The following OPRM1 variants were observed in gnomAD, a reference collection of about 807,000 sequenced individuals.
OPRM1 encodes mu-type opioid receptor.
A neutral mutation model predicts 31.8 loss-of-function variants in OPRM1; 27 were observed. That is an observed-to-expected ratio of 0.85 (90% CI 0.63 to 1.17). OPRM1 has a LOEUF of 1.17. Among genes scored for constraint, OPRM1 ranks in the 50% most tolerant of loss-of-function variants. The probability of loss-of-function intolerance (pLI) is 0.00; values close to 1 mark genes in which losing one functional copy is unlikely to be tolerated. For missense variants in OPRM1, 536 were observed against 511.1 expected (o/e 1.05, Z -0.47); for synonymous variants, 196 against 189.9 (o/e 1.03, Z -0.26).
At chr6:154,018,530 G>A (rs1364238247) in intron 1 of OPRM1, among the ~76,000 whole-genome samples, 53 of 143,896 alleles carry the variant, frequency 3.7e-4, no homozygotes, top group African/African-American at 1.2e-3. Context: ...GTCTTTTCTG[G>A]CCCTGCATAT....
chr6:154,062,648 G>T (rs1404367072), intron 1 of OPRM1, among the ~76,000 whole-genome samples: 2 of 152,000 alleles, frequency 1.3e-5, no homozygotes, highest in African/African-American at 4.8e-5. Context: ...AAATAATTGT[G>T]TAATTCTTGG....
chr6:154,212,910 A>T (rs768360689), intron 3 of OPRM1: 1 of 1,206,434 alleles, frequency 8.3e-7, no homozygotes. Flanking sequence ...CTTATTCCAT[A>T]ATGCATGAGC....
At chr6:154,113,857 G>C (rs895425428) in intron 3 of OPRM1, among the ~76,000 whole-genome samples, 9 of 152,174 alleles carry the variant, frequency 5.9e-5, no homozygotes, top group African/African-American at 2.2e-4. Context: ...GGGATTCAGA[G>C]ACAAAAAGAT....
At chr6:154,036,781 ATTATCT>A (rs1281670202), upstream of OPRM1, among the ~76,000 whole-genome samples, 3 of 151,790 alleles carry the variant, frequency 2.0e-5, no homozygotes, top group Admixed American at 6.6e-5. Flanking sequence ...ATTTTATGCC[ATTATCT>A]GGGTATAATG....
intron 1 of OPRM1, among the ~76,000 whole-genome samples, chr6:154,066,917 G>C (rs957700227): frequency 6.6e-6 from 1 of 152,064 alleles, no homozygotes; most frequent in African/African-American, 2.4e-5. Flanking sequence ...ATGTTTTTAC[G>C]AACTTGGTCA....
intron 1 of OPRM1, among the ~76,000 whole-genome samples, chr6:154,079,202 G>A (rs553400779): frequency 1.3e-5 from 2 of 152,338 alleles, no homozygotes; most frequent in African/African-American, 4.8e-5. Context: ...TGGAATTCTG[G>A]AGACATTTCA....
intron 1 of OPRM1, among the ~76,000 whole-genome samples, chr6:154,041,634 T>C (rs1344983863): frequency 7.3e-6 from 1 of 136,628 alleles, no homozygotes; most frequent in Non-Finnish European, 1.5e-5. Context: ...CTAACATATT[T>C]TTTTTTTTTA....
At chr6:154,069,591 T>A in intron 1 of OPRM1, among the ~76,000 whole-genome samples, 1 of 152,204 alleles carries the variant, frequency 6.6e-6, no homozygotes, top group Non-Finnish European at 1.5e-5. Context: ...ACCAGTGTCA[T>A]GAAGCTTTTT....
intron 1 of OPRM1, among the ~76,000 whole-genome samples, chr6:154,086,018 T>G (rs557959053): frequency 6.6e-6 from 1 of 150,674 alleles, no homozygotes; most frequent in South Asian, 2.1e-4. Context: ...CAGCTAATTT[T>G]TCTAATTTTA....
intron 3 of OPRM1, among the ~76,000 whole-genome samples, chr6:154,106,368 G>A (rs2128509919): frequency 6.6e-6 from 1 of 152,320 alleles, no homozygotes; most frequent in African/African-American, 2.4e-5. Flanking sequence ...GCCTGGCCCA[G>A]AACACTCCAG....
At chr6:154,206,790 A>G (rs1339103633) in intron 3 of OPRM1, among the ~76,000 whole-genome samples, 1 of 152,204 alleles carries the variant, frequency 6.6e-6, no homozygotes, top group African/African-American at 2.4e-5. Context: ...CTGCAAGTGG[A>G]GAAACTTTAT....
chr6:154,147,394 C>T (rs149416860), intron 3 of OPRM1, among the ~76,000 whole-genome samples: 219 of 152,242 alleles, frequency 1.4e-3, no homozygotes, highest in African/African-American at 4.9e-3. Context: ...CTAAAGCCTT[C>T]GGTGATACAT....
intron 3 of OPRM1, among the ~76,000 whole-genome samples, chr6:154,232,019 GTTA>G (rs1450175789): frequency 6.6e-6 from 1 of 152,142 alleles, no homozygotes; most frequent in Non-Finnish European, 1.5e-5. Context: ...GTAGTGACAT[GTTA>G]TTATCATTTT....
Position 154,091,068 on chromosome 6 carries a change from T to C in OPRM1, c.760T>C (p.Tyr254His), listed in dbSNP as rs1290858635. The change falls in exon 3 of 4, where the codon TAT becomes CAT. Residue 254 changes from tyrosine to histidine, a missense_variant. Coordinates refer to ENST00000330432, the MANE Select transcript of OPRM1 (RefSeq NM_000914.5). Reference protein sequence around the residue: ...IMPVLIITVCYGLMILRLKSV... With the variant: ...IMPVLIITVCHGLMILRLKSV... ...GCCAGTGCTCATCATTACCGTGTGCTATGGACTGATGATCTTGCGCCTCAA... is the reference window on the plus strand; with the variant it reads ...GCCAGTGCTCATCATTACCGTGTGCCATGGACTGATGATCTTGCGCCTCAA... 1.2e-6 allele frequency: 2 copies of C among 1,614,220 alleles called. No individual in the cohort carries two copies. The highest frequency in any genetic ancestry group is 8.5e-7 in the Non-Finnish European group (1 of 1,180,032).
intron 3 of OPRM1, among the ~76,000 whole-genome samples, chr6:154,114,415 A>G (rs1796648608): frequency 6.6e-6 from 1 of 152,072 alleles, no homozygotes; most frequent in Admixed American, 6.6e-5. Flanking sequence ...TCAATACAGT[A>G]AGCCCAATTT....
chr6:154,240,522 GA>G lies in OPRM1; in HGVS notation c.1165-6160del, dbSNP rs11394579. Reference sequence around the variant, plus strand: ...ATCTGTTCTTTATTTTTCTTGAGCTGAAAAAAAAAAAGGTACTCTATATTTA... The same window carrying G: ...ATCTGTTCTTTATTTTTCTTGAGCTGAAAAAAAAAAGGTACTCTATATTTA... On this transcript the variant is annotated intron_variant, in intron 3 of 3. Transcript: ENST00000337049. Among the ~76,000 whole-genome samples, 819 of 146,496 alleles carry G rather than the reference GA, an allele frequency of 5.6e-3. 5 individuals are homozygous for G. Among genetic ancestry groups the G allele is most frequent in the African/African-American group, 0.019 (743 of 39,920 alleles).
At chr6:154,160,968 C>T (rs1798963733) in intron 3 of OPRM1, among the ~76,000 whole-genome samples, 1 of 152,172 alleles carries the variant, frequency 6.6e-6, no homozygotes, top group Non-Finnish European at 1.5e-5. Flanking sequence ...CATGGATCCC[C>T]TTACACCCAA....
chr6:154,016,524 AGGC>A (rs924408405), intron 1 of OPRM1, among the ~76,000 whole-genome samples: 1 of 152,174 alleles, frequency 6.6e-6, no homozygotes, highest in African/African-American at 2.4e-5. Flanking sequence ...GAAGGGGAAA[AGGC>A]AGTGAGTAAA....
chr6:154,153,272 C>A (rs1350267792), intron 3 of OPRM1, among the ~76,000 whole-genome samples: 1 of 152,100 alleles, frequency 6.6e-6, no homozygotes, highest in Non-Finnish European at 1.5e-5. Context: ...AGTGTTCAGT[C>A]CTAATCACTG....
Sources: gnomAD v4.1 joint callset for allele counts (sites outside exome capture counted in the v4.1 genomes callset) on GRCh38, gnomAD v4.1.1 for gene constraint, MANE v1.5 for transcripts, NCBI Gene and HGNC (gene_info 2026-07-23, HGNC 2026-07-21) for gene names.